Variants in ATXN2 observed in about 807,000 individuals in gnomAD.
ATXN2 encodes the protein ataxin 2.
ATXN2 carries 37 observed loss-of-function variants against 138.6 expected under a neutral mutation model. The ratio of observed to expected loss-of-function variants is 0.27; its 90% CI spans 0.21 to 0.35. The LOEUF (loss-of-function observed/expected upper bound fraction) is 0.35, where lower values mean the gene tolerates loss of function less well. Ranked by LOEUF, ATXN2 falls within the 10% of genes least tolerant of loss-of-function variation. The probability of loss-of-function intolerance (pLI) is 1.00; values close to 1 mark genes in which losing one functional copy is unlikely to be tolerated. For missense variants in ATXN2, 1,216 were observed against 1,480.3 expected (o/e 0.82, Z 2.93); for synonymous variants, 549 against 543.7 (o/e 1.01, Z -0.13).
chr12:111,454,608 C>A, intron 23 of ATXN2: 1 of 161,250 alleles, frequency 6.2e-6, no homozygotes, highest in Non-Finnish European at 1.4e-5. Flanking sequence ...AGCTGGATTC[C>A]AGCTCTGCAG....
chr12:111,504,722 A>T (rs1033106427), intron 14 of ATXN2, among the ~76,000 whole-genome samples: 1 of 152,226 alleles, frequency 6.6e-6, no homozygotes, highest in Non-Finnish European at 1.5e-5. Context: ...AAAAATTAAT[A>T]TAAAGAATGA....
At position 111,510,613 on chromosome 12, in the gene ATXN2, T is replaced by A; in HGVS notation, c.1559-31A>T. 6 of 1,555,010 alleles carry A rather than the reference T, an allele frequency of 3.9e-6. No homozygotes were observed. The South Asian group carries it at 7.1e-5, about 18-fold the overall frequency. On this transcript the variant is annotated intron_variant, in intron 11 of 24. Transcript: ENST00000673436. ...AGAAAGGGAAAATGTATTTATTACATTCTCAGTTCAAATGTTACTTCCTAA... is the reference window on the plus strand; with the variant it reads ...AGAAAGGGAAAATGTATTTATTACAATCTCAGTTCAAATGTTACTTCCTAA...
chr12:111,582,656 GT>G (rs1243956952), intron 1 of ATXN2, among the ~76,000 whole-genome samples: 1 of 152,102 alleles, frequency 6.6e-6, no homozygotes, highest in South Asian at 2.1e-4. Context: ...TAGTATCTCA[GT>G]TTTTTTGTTT....
At chr12:111,504,601 T>C (rs1878989175) in intron 14 of ATXN2, among the ~76,000 whole-genome samples, 1 of 152,138 alleles carries the variant, frequency 6.6e-6, no homozygotes, top group African/African-American at 2.4e-5. Context: ...CCAAGAATAG[T>C]CTTTTTAACA....
At chr12:111,590,426 C>T (rs576575989) in intron 1 of ATXN2, among the ~76,000 whole-genome samples, 1 of 152,114 alleles carries the variant, frequency 6.6e-6, no homozygotes, top group South Asian at 2.1e-4. Flanking sequence ...CAGCAGCTCA[C>T]GCCTGTAATT....
At chr12:111,522,511 A>G (rs11834632) in intron 6 of ATXN2, among the ~76,000 whole-genome samples, 15,392 of 147,170 alleles carry the variant, frequency 0.1, 2,588 homozygotes, top group African/African-American at 0.36. Flanking sequence ...TTGGGAGGCT[A>G]GGGCAGGAGA....
intron 10 of ATXN2, among the ~76,000 whole-genome samples, chr12:111,515,158 C>A (rs1879782085): frequency 6.6e-6 from 1 of 152,144 alleles, no homozygotes. Context: ...ATATGACCTG[C>A]CTGCTTAGAT....
intron 1 of ATXN2, among the ~76,000 whole-genome samples, chr12:111,562,117 C>T (rs963451452): frequency 6.7e-6 from 1 of 150,024 alleles, no homozygotes; most frequent in Non-Finnish European, 1.5e-5. Flanking sequence ...GGCCTCGAGA[C>T]TCCACCTTAA....
At chr12:111,583,056 A>C (rs1373437419) in intron 1 of ATXN2, among the ~76,000 whole-genome samples, 1 of 138,312 alleles carries the variant, frequency 7.2e-6, no homozygotes, top group East Asian at 2.2e-4. Flanking sequence ...GCAGTGGCAC[A>C]ATCTTGGCTC....
At chr12:111,582,443 A>G (rs1018601928) in intron 1 of ATXN2, among the ~76,000 whole-genome samples, 20 of 117,676 alleles carry the variant, frequency 1.7e-4, no homozygotes, top group African/African-American at 4.5e-4. Flanking sequence ...CGGTGTCTCA[A>G]AAAAAAAAAA....
chr12:111,543,058 A>T (rs1881606510), intron 5 of ATXN2, among the ~76,000 whole-genome samples: 1 of 152,176 alleles, frequency 6.6e-6, no homozygotes, highest in Non-Finnish European at 1.5e-5. Flanking sequence ...TATTCTGTTT[A>T]GCTTTCCATT....
At chr12:111,485,997 A>C in intron 16 of ATXN2, 132 bp from the exon 17 acceptor site, 1 of 734,972 alleles carries the variant, frequency 1.4e-6, no homozygotes, top group Non-Finnish European at 2.0e-6. Context: ...AAACAAAAAC[A>C]CAGCACATAA....
rs373051326 is a variant in ATXN2, at chr12:111,568,124, G to A, written c.252-12205C>T. On this transcript the variant is annotated intron_variant, in intron 1 of 24. Coordinates refer to ENST00000673436, the MANE Select transcript of ATXN2 (RefSeq NM_001372574.1). ...AAAAATACAAAAATTAGCCGGGCGT[G>A]GTGGCACATGCCTGTAATCCCAGCT... 2.0e-5 allele frequency among the ~76,000 whole-genome samples: 3 copies of A among 152,108 alleles called. No individual in the cohort carries two copies. In the East Asian group the frequency reaches 5.8e-4, roughly 29 times the overall value.
chr12:111,519,768 T>C, intron 8 of ATXN2, 111 bp downstream of exon 8: 1 of 1,533,208 alleles, frequency 6.5e-7, no homozygotes, highest in East Asian at 2.3e-5. Context: ...TCTACTTGCA[T>C]TCTCTACCTA....
At chr12:111,513,093 C>T (rs920977814) in intron 11 of ATXN2, 6 of 404,044 alleles carry the variant, frequency 1.5e-5, no homozygotes, top group Middle Eastern at 6.6e-4. Flanking sequence ...TCATCACAAT[C>T]CCATAATGTA....
chr12:111,548,110 T>TTGAACCTCC (rs550539219), intron 5 of ATXN2, among the ~76,000 whole-genome samples: 17 of 152,034 alleles, frequency 1.1e-4, no homozygotes, highest in Admixed American at 2.6e-4. Context: ...AGATAACTGC[T>TTGAACCTCC]TGAACCCAGG....
rs1050408707 is a variant in ATXN2, at chr12:111,453,329, C to G, written c.3439+348G>C. On this transcript the variant is annotated intron_variant, in intron 24 of 24. Coordinates refer to ENST00000673436, the MANE Select transcript of ATXN2 (RefSeq NM_001372574.1). This position sits in a 1 kb window ranked among gnomAD's most constrained non-coding sequence, Gnocchi z 5.4. ...AAACTCTGCCATGGTAATAACCCCC[C>G]ACATGTCAGACTTTTGGGACTCAGG... 1.1e-5 allele frequency: 12 copies of G among 1,084,732 alleles called. No individual in the cohort carries two copies. The highest frequency in any genetic ancestry group is 1.2e-5 in the Non-Finnish European group (11 of 894,486). 67.2% of individuals were successfully genotyped at this position (1,084,732 alleles called of 1,614,324 possible).
rs766412650 is a variant in ATXN2 at position 111,510,445 on chromosome 12, C to A, written c.1696G>T (p.Ala566Ser). Residue 566 changes from alanine to serine, a missense_variant, in exon 12 of 25, where the codon GCT becomes TCT. Ala to Ser is a moderately conservative substitution (Grantham distance 99). Transcript: ENST00000673436. The stretch of plus-strand genomic sequence containing the variant: ...GGACTAGCAGGCGTAGGAGATGCAG[C>A]TGGAATAGGCATGGCAACAGCTTCA... ...PTEAVAMPIP[A>S]ASPTPASPAS... 2 of 1,614,114 alleles carry A rather than the reference C, an allele frequency of 1.2e-6. No homozygotes were observed. Among genetic ancestry groups the A allele is most frequent in the South Asian group, 2.2e-5 (2 of 91,080 alleles).
intron 14 of ATXN2, among the ~76,000 whole-genome samples, chr12:111,498,521 A>G (rs1026626016): frequency 1.3e-5 from 2 of 152,216 alleles, no homozygotes; most frequent in Non-Finnish European, 2.9e-5. Flanking sequence ...CCAAATGAGT[A>G]AAAGATTTCT....
Sources: allele counts gnomAD v4.1 joint callset (sites outside exome capture counted in the v4.1 genomes callset), GRCh38; gene constraint gnomAD v4.1.1; non-coding constraint Gnocchi (gnomAD v3.1); transcripts MANE v1.5; gene names NCBI Gene and HGNC (gene_info 2026-07-23, HGNC 2026-07-21).